KAZN: variants seen among roughly 807,000 people sequenced by gnomAD.
KAZN encodes kazrin.
KAZN carries 40 observed loss-of-function variants against 87.4 expected under a neutral mutation model. The observed-to-expected ratio is 0.46, with a 90% CI of 0.36 to 0.60. The LOEUF (loss-of-function observed/expected upper bound fraction) is 0.60. Among genes scored for constraint, KAZN ranks in the 20% least tolerant of loss-of-function variants. The probability of loss-of-function intolerance (pLI) is 0.00; values close to 1 mark genes in which losing one functional copy is unlikely to be tolerated. For missense variants in KAZN, 898 were observed against 1,073.9 expected, an observed-to-expected ratio of 0.84 and a Z score of 2.29; for synonymous variants, 466 against 458.3, an observed-to-expected ratio of 1.02 and a Z score of -0.22.
chr1:14,853,186 C>A (rs1392894522), intron 1 of KAZN, among the ~76,000 whole-genome samples: 1 of 152,174 alleles, frequency 6.6e-6, no homozygotes, highest in Non-Finnish European at 1.5e-5. Flanking sequence ...GTCCCTCCCC[C>A]AGGGATCTGC....
intron 1 of KAZN, among the ~76,000 whole-genome samples, chr1:14,915,768 C>T (rs1399713163): frequency 1.2e-4 from 19 of 152,192 alleles, no homozygotes; most frequent in Non-Finnish European, 4.4e-5. Flanking sequence ...TTTTGTCTCC[C>T]TAAACCTTCA....
chr1:13,949,731 G>C (rs537605073), intron 1 of KAZN, among the ~76,000 whole-genome samples: 21 of 152,288 alleles, frequency 1.4e-4, no homozygotes, highest in Admixed American at 5.2e-4. Flanking sequence ...GCTAGAAGTT[G>C]TCTTTCCCAA....
At chr1:14,276,652 G>T (rs1652382015) in intron 2 of KAZN, among the ~76,000 whole-genome samples, 1 of 152,080 alleles carries the variant, frequency 6.6e-6, no homozygotes, top group Admixed American at 6.5e-5. Flanking sequence ...GTCTGTCTCT[G>T]TGTTTAAATC....
chr1:14,254,760 G>A, intron 2 of KAZN, among the ~76,000 whole-genome samples: 1 of 152,056 alleles, frequency 6.6e-6, no homozygotes, highest in East Asian at 1.9e-4. Context: ...GGCTGCACAG[G>A]TATGACACCA....
intron 2 of KAZN, among the ~76,000 whole-genome samples, chr1:14,322,283 G>C (rs568696151): frequency 2.0e-5 from 3 of 151,998 alleles, no homozygotes; most frequent in African/African-American, 7.2e-5. Context: ...AATAAAGTAA[G>C]TAAATAAAAC....
In KAZN at chr1:15,066,390, C is replaced by A. The variant is rs778386611; in HGVS notation, c.1222+637C>A. 3.2e-5 allele frequency: 32 copies of A among 984,692 alleles called. No homozygotes were observed. The highest frequency in any genetic ancestry group is 3.5e-5 in the African/African-American group (2 of 56,946). 61.0% of individuals were successfully genotyped at this position (984,692 alleles called of 1,614,324 possible). A position where few individuals can be genotyped will look rare whatever the true frequency, so the allele number is the denominator to read the frequency against. On this transcript the variant is annotated intron_variant, in intron 8 of 14. Transcript: ENST00000376030. The surrounding 1 kb of genome is among the most constrained non-coding windows in gnomAD (Gnocchi z 4.3). ...CCAGACCCTGTCCTGGGGGTGCGCC[C>A]AAGTCACTTTAACCACAAAACGCCA... is the stretch of plus-strand genomic sequence containing the variant.
intron 2 of KAZN, among the ~76,000 whole-genome samples, chr1:14,963,864 G>T (rs12132328): frequency 6.6e-6 from 1 of 151,990 alleles, no homozygotes; most frequent in Non-Finnish European, 1.5e-5. Flanking sequence ...TCCCACTTAT[G>T]AGTGAGAACG....
intron 13 of KAZN, among the ~76,000 whole-genome samples, chr1:15,109,745 GTGTTTGTA>G (rs1263385616): frequency 4.1e-5 from 6 of 148,046 alleles, no homozygotes; most frequent in African/African-American, 1.5e-4. Context: ...ATGTGTGTTT[GTGTTTGTA>G]TGTTTGTGTC....
At chr1:14,552,398 C>T (rs186782328) in intron 2 of KAZN, among the ~76,000 whole-genome samples, 2 of 152,340 alleles carry the variant, frequency 1.3e-5, no homozygotes, top group African/African-American at 4.8e-5. Flanking sequence ...GCCTCCCAGG[C>T]CCAGATCCCC....
chr1:14,946,071 C>T (rs111866989), intron 1 of KAZN: 18 of 272,372 alleles, frequency 6.6e-5, no homozygotes, highest in African/African-American at 2.3e-4. Flanking sequence ...AGGGAAGTGA[C>T]GTGCCAGGGT....
intron 2 of KAZN, among the ~76,000 whole-genome samples, chr1:14,482,568 G>A (rs1239253272): frequency 6.6e-6 from 1 of 152,082 alleles, no homozygotes; most frequent in African/African-American, 2.4e-5. Context: ...AACATTACAT[G>A]TAAACCCCCT....
rs1664539146 is a variant in KAZN, at chr1:14,967,085, G to A, written c.418+6210G>A. Among the ~76,000 whole-genome samples the A allele has an allele frequency of 1.3e-5, 2 of 152,356 alleles. 1 individual carries two copies. The highest frequency in any genetic ancestry group is 4.2e-4 in the South Asian group (2 of 4,812). On this transcript the variant is annotated intron_variant, in intron 2 of 14. Transcript: ENST00000376030. ...GCTTTGATGCAGGCAGATGATGGGC[G>A]ATGGTCACGGTGAACTCGAGGGTCA... is the stretch of plus-strand genomic sequence containing the variant.
chr1:14,797,149 C>T (rs940992757), intron 1 of KAZN, among the ~76,000 whole-genome samples: 2 of 151,804 alleles, frequency 1.3e-5, no homozygotes, highest in Admixed American at 1.3e-4. Context: ...CAGCCTCCGC[C>T]TCCTGGGTTC....
intron 1 of KAZN, among the ~76,000 whole-genome samples, chr1:14,173,953 T>C (rs1646013164): frequency 6.6e-6 from 1 of 152,166 alleles, no homozygotes; most frequent in South Asian, 2.1e-4. Context: ...GACAGAAATA[T>C]AAAATGTCCA....
intron 1 of KAZN, among the ~76,000 whole-genome samples, chr1:14,699,878 G>A (rs1641826054): frequency 6.6e-6 from 1 of 152,192 alleles, no homozygotes; most frequent in African/African-American, 2.4e-5. Flanking sequence ...GATGTGCACA[G>A]TCAGCTCTCA....
chr1:14,597,121 T>C (rs2148590067), upstream of KAZN, among the ~76,000 whole-genome samples: 1 of 152,330 alleles, frequency 6.6e-6, no homozygotes, highest in East Asian at 1.9e-4. Flanking sequence ...AACTGAATCC[T>C]GGTTTGCAGA....
intron 1 of KAZN, among the ~76,000 whole-genome samples, chr1:14,691,811 C>T (rs1641328389): frequency 6.6e-6 from 1 of 152,088 alleles, no homozygotes; most frequent in Non-Finnish European, 1.5e-5. Context: ...CTTTAAACAT[C>T]ATTGTTTCCT....
chr1:14,550,755 C>G (rs1429887963), intron 2 of KAZN, among the ~76,000 whole-genome samples: 24 of 122,500 alleles, frequency 2.0e-4, no homozygotes, highest in African/African-American at 7.1e-4. Context: ...CCCCGCCACC[C>G]CCTCTCCCCT....
intron 1 of KAZN, among the ~76,000 whole-genome samples, chr1:14,907,352 C>T (rs898864593): frequency 6.7e-6 from 1 of 150,042 alleles, no homozygotes; most frequent in Non-Finnish European, 1.5e-5. Context: ...CAGTGAGCTG[C>T]GATTGCACCA....
Sources: allele counts gnomAD v4.1 joint callset (sites outside exome capture counted in the v4.1 genomes callset), GRCh38; gene constraint gnomAD v4.1.1; non-coding constraint Gnocchi (gnomAD v3.1); transcripts MANE v1.5; gene names NCBI Gene and HGNC (gene_info 2026-07-23, HGNC 2026-07-21).